FOXP1: variants seen among roughly 807,000 people sequenced by gnomAD.
FOXP1 encodes forkhead box P1.
Under a neutral mutation model 98.2 loss-of-function variants are expected in FOXP1, and 15 were observed. The ratio of observed to expected loss-of-function variants is 0.15; its 90% CI spans 0.10 to 0.24. The LOEUF is 0.24. FOXP1 is among the 10% of genes least tolerant of loss of function. The probability of loss-of-function intolerance (pLI) is 1.00; values close to 1 mark genes in which losing one functional copy is unlikely to be tolerated. For synonymous variants in FOXP1, 371 were observed against 314.5 expected, an observed-to-expected ratio of 1.18 and a Z score of -1.90; for missense variants, 633 against 848.5, an observed-to-expected ratio of 0.75 and a Z score of 3.15.
intron 7 of FOXP1, among the ~76,000 whole-genome samples, chr3:71,064,502 A>G (rs1436367193): frequency 6.6e-6 from 1 of 151,996 alleles, no homozygotes; most frequent in East Asian, 2.0e-4. Flanking sequence ...CCAACTCTCA[A>G]CTACACCCCA....
intron 5 of FOXP1, among the ~76,000 whole-genome samples, chr3:71,204,467 A>G (rs2063884077): frequency 6.6e-6 from 1 of 152,158 alleles, no homozygotes; most frequent in Non-Finnish European, 1.5e-5. Flanking sequence ...TTCACAACAG[A>G]GAGGGAATCA....
At chr3:71,328,678 G>C (rs565218036) in intron 4 of FOXP1, among the ~76,000 whole-genome samples, 1 of 152,218 alleles carries the variant, frequency 6.6e-6, no homozygotes, top group Non-Finnish European at 1.5e-5. Flanking sequence ...TTGGCTAAAA[G>C]AATCTGACAG....
At chr3:71,028,955 G>A (rs927752660) in intron 11 of FOXP1, among the ~76,000 whole-genome samples, 6 of 152,166 alleles carry the variant, frequency 3.9e-5, no homozygotes, top group Non-Finnish European at 7.4e-5. Flanking sequence ...GATAGGAGGC[G>A]AAGCTCAGGT....
intron 2 of FOXP1, among the ~76,000 whole-genome samples, chr3:71,524,254 C>G (rs1374728999): frequency 6.6e-6 from 1 of 152,028 alleles, no homozygotes; most frequent in Non-Finnish European, 1.5e-5. Context: ...ATCCCAGCTA[C>G]TAGGGAGGCT....
intron 13 of FOXP1, among the ~76,000 whole-genome samples, chr3:70,994,034 A>AAAAGAG (rs1486194582): frequency 1.3e-5 from 2 of 151,380 alleles, no homozygotes; most frequent in African/African-American, 4.9e-5. Context: ...AAGAAAAAGA[A>AAAAGAG]AAAGAAAAAA....
At chr3:71,356,732 C>A (rs1037102355) in intron 4 of FOXP1, among the ~76,000 whole-genome samples, 2 of 152,144 alleles carry the variant, frequency 1.3e-5, no homozygotes, top group African/African-American at 4.8e-5. Flanking sequence ...CTAAGCCAAT[C>A]TAACTTCAAA....
At chr3:71,316,753 GT>G (rs1254237168) in intron 4 of FOXP1, among the ~76,000 whole-genome samples, 1 of 151,854 alleles carries the variant, frequency 6.6e-6, no homozygotes, top group African/African-American at 2.4e-5. Flanking sequence ...CGCCTCCCAG[GT>G]TCAAGTGATT....
intron 6 of FOXP1, among the ~76,000 whole-genome samples, chr3:71,156,987 T>G (rs1032340601): frequency 6.6e-6 from 1 of 152,118 alleles, no homozygotes; most frequent in Non-Finnish European, 1.5e-5. Flanking sequence ...GAAAAGCCAG[T>G]TTCAAGGCCT....
At chr3:71,449,003 C>T (rs2086699205) in intron 3 of FOXP1, among the ~76,000 whole-genome samples, 1 of 152,132 alleles carries the variant, frequency 6.6e-6, no homozygotes, top group African/African-American at 2.4e-5. Flanking sequence ...CGTGTTATGA[C>T]CAGACCTAAC....
chr3:71,269,747 A>G (rs1315142954), intron 5 of FOXP1, among the ~76,000 whole-genome samples: 1 of 152,178 alleles, frequency 6.6e-6, no homozygotes, highest in Non-Finnish European at 1.5e-5. Flanking sequence ...TGATAATTTG[A>G]TATTTTGCTA....
intron 3 of FOXP1, among the ~76,000 whole-genome samples, chr3:71,414,372 C>T (rs1179103758): frequency 6.6e-6 from 1 of 152,176 alleles, no homozygotes; most frequent in Non-Finnish European, 1.5e-5. Flanking sequence ...TCAGCATCCA[C>T]CTGGGCCTCA....
At chr3:71,395,908 A>G (rs776208158) in intron 3 of FOXP1, among the ~76,000 whole-genome samples, 4 of 152,178 alleles carry the variant, frequency 2.6e-5, no homozygotes, top group Non-Finnish European at 5.9e-5. Flanking sequence ...ATATTAAAAT[A>G]TATTATAAAT....
chr3:71,218,872 T>C (rs1362403410), intron 5 of FOXP1, among the ~76,000 whole-genome samples: 1 of 152,192 alleles, frequency 6.6e-6, no homozygotes, highest in Non-Finnish European at 1.5e-5. Flanking sequence ...GATTCCTGAA[T>C]TATTTTCCCC....
chr3:71,176,310 T>A (rs1169817092), intron 6 of FOXP1, among the ~76,000 whole-genome samples: 1 of 152,152 alleles, frequency 6.6e-6, no homozygotes, highest in Non-Finnish European at 1.5e-5. Flanking sequence ...TAGCTGCTTT[T>A]CAGTTGTCTA....
intron 14 of FOXP1, among the ~76,000 whole-genome samples, chr3:70,986,209 G>A (rs941445553): frequency 3.3e-5 from 5 of 152,078 alleles, no homozygotes; most frequent in East Asian, 1.9e-4. Flanking sequence ...ACTGGTCCAC[G>A]TGAAGAATCC....
intron 3 of FOXP1, among the ~76,000 whole-genome samples, chr3:71,473,746 T>C (rs1049314623): frequency 5.3e-5 from 8 of 151,892 alleles, no homozygotes; most frequent in Non-Finnish European, 1.2e-4. Context: ...TAGAAGGGGG[T>C]TGATATTAGG....
intron 17 of FOXP1, among the ~76,000 whole-genome samples, chr3:70,973,596 G>A (rs1483629024): frequency 6.6e-6 from 1 of 152,072 alleles, no homozygotes; most frequent in African/African-American, 2.4e-5. Context: ...TAACAAGCAA[G>A]GCTTCATTTC....
intron 3 of FOXP1, among the ~76,000 whole-genome samples, chr3:71,369,594 C>CA (rs1328694328): frequency 6.6e-6 from 1 of 152,070 alleles, no homozygotes; most frequent in Non-Finnish European, 1.5e-5. Flanking sequence ...GGGGTTTCAC[C>CA]ATGTTGGTCA....
At chr3:71,211,656 A>G (rs897837275) in intron 5 of FOXP1, among the ~76,000 whole-genome samples, 5 of 152,198 alleles carry the variant, frequency 3.3e-5, no homozygotes, top group Non-Finnish European at 1.5e-5. Context: ...AATAGTTCTA[A>G]AGAGGCCTTG....
Sources: gnomAD v4.1 joint callset for allele counts (sites outside exome capture counted in the v4.1 genomes callset) on GRCh38, gnomAD v4.1.1 for gene constraint, MANE v1.5 for transcripts, NCBI Gene and HGNC (gene_info 2026-07-23, HGNC 2026-07-21) for gene names.